TESMIN: variants seen among roughly 807,000 people sequenced by gnomAD.
TESMIN encodes CXC domain containing 2.
Under a neutral mutation model 47.4 loss-of-function variants are expected in TESMIN, and 34 were observed. The ratio of observed to expected loss-of-function variants is 0.72; its 90% confidence interval spans 0.55 to 0.96. The LOEUF is 0.96. TESMIN is among the 40% of genes least tolerant of loss of function. TESMIN has a pLI of 0.00. For missense variants in TESMIN, 610 were observed against 637.2 expected (o/e 0.96, Z 0.46); for synonymous variants, 278 against 258.9 (o/e 1.07, Z -0.71).
At chr11:68,737,657 A>C (rs1946402776) in intron 6 of TESMIN, 1 of 985,544 alleles carries the variant, frequency 1.0e-6, no homozygotes, top group Non-Finnish European at 1.2e-6. Flanking sequence ...CACGCCTGTA[A>C]TCCCAGCACT....
intron 1 of TESMIN, among the ~76,000 whole-genome samples, chr11:68,750,986 C>G (rs1594307011): frequency 6.5e-5 from 3 of 46,402 alleles, no homozygotes; most frequent in South Asian, 9.7e-4. Context: ...CCAGGGGAGG[C>G]GGTCAGGTGA....
intron 6 of TESMIN, among the ~76,000 whole-genome samples, chr11:68,725,230 T>A (rs1946247040): frequency 6.6e-6 from 1 of 152,174 alleles, no homozygotes; most frequent in Non-Finnish European, 1.5e-5. Flanking sequence ...TGTTTTGCCA[T>A]ACATGGTGCT....
At position 68,715,949 on chromosome 11, in the gene TESMIN, A is replaced by G; in HGVS notation, c.918-10T>C. 1 of 1,573,238 alleles carries G rather than the reference A, an allele frequency of 6.4e-7. No homozygotes were observed. The highest frequency in any genetic ancestry group is 8.7e-7 in the Non-Finnish European group (1 of 1,143,128). ...AAAGCAGTCACAGTACCTGTGAAGG[A>G]AAGGACAGAGTGAGTGGCAGGCACA... On this transcript the variant is annotated splice_polypyrimidine_tract_variant and intron_variant, in intron 6 of 9. Transcript: ENST00000255087.
intron 6 of TESMIN, chr11:68,732,566 C>G (rs1946341151): frequency 6.5e-6 from 1 of 153,232 alleles, no homozygotes; most frequent in African/African-American, 2.4e-5. Context: ...CATCTGACAT[C>G]TCCATCTGGG....
chr11:68,729,228 G>A (rs755398558), intron 6 of TESMIN, among the ~76,000 whole-genome samples: 2 of 152,222 alleles, frequency 1.3e-5, no homozygotes, highest in Non-Finnish European at 2.9e-5. Flanking sequence ...AAGGAGGTTA[G>A]AAGTTGATTC....
intron 6 of TESMIN, chr11:68,736,780 G>T (rs1946391734): frequency 1.0e-6 from 1 of 969,932 alleles, no homozygotes; most frequent in Admixed American, 6.2e-5. Context: ...AAGAGCAGGG[G>T]GAGGAGAACA....
intron 3 of TESMIN, 143 bp from the exon 4 acceptor site, chr11:68,745,254 C>T (rs1386364289): frequency 1.7e-5 from 10 of 580,556 alleles, no homozygotes; most frequent in Admixed American, 1.4e-4. Context: ...GATCTGTTTT[C>T]GATTTCTTAC....
intron 6 of TESMIN, among the ~76,000 whole-genome samples, chr11:68,731,440 T>C (rs1273440107): frequency 5.1e-5 from 2 of 38,900 alleles, no homozygotes; most frequent in Admixed American, 2.2e-4. Context: ...AAAAGAGTTA[T>C]AAAATAAAAA....
At chr11:68,741,469 G>A (rs1026968628) in intron 5 of TESMIN, among the ~76,000 whole-genome samples, 4 of 152,040 alleles carry the variant, frequency 2.6e-5, no homozygotes, top group Non-Finnish European at 5.9e-5. Context: ...CCCCCAATCC[G>A]CTTCCTCTGC....
chr11:68,725,690 C>G (rs547138161), intron 6 of TESMIN, among the ~76,000 whole-genome samples: 1 of 152,184 alleles, frequency 6.6e-6, no homozygotes, highest in South Asian at 2.1e-4. Flanking sequence ...CCAGGCTGGT[C>G]TCGAACTCCT....
intron 6 of TESMIN, among the ~76,000 whole-genome samples, chr11:68,717,661 G>C (rs966660070): frequency 1.3e-5 from 2 of 152,140 alleles, no homozygotes; most frequent in South Asian, 4.1e-4. Flanking sequence ...AAGGAGCTTC[G>C]GAAGGCTCTG....
At chr11:68,726,053 T>C (rs749901225) in intron 6 of TESMIN, among the ~76,000 whole-genome samples, 13 of 152,132 alleles carry the variant, frequency 8.5e-5, no homozygotes, top group Admixed American at 5.9e-4. Flanking sequence ...CAACCCTAAC[T>C]GTGGCAAACA....
At chr11:68,730,578 T>TG (rs1292325330) in intron 6 of TESMIN, among the ~76,000 whole-genome samples, 1 of 152,208 alleles carries the variant, frequency 6.6e-6, no homozygotes, top group East Asian at 1.9e-4. Context: ...GCAGATCACC[T>TG]GAGGTCAGGA....
At chr11:68,709,325 C>T (rs1946034968) in intron 9 of TESMIN, among the ~76,000 whole-genome samples, 1 of 152,200 alleles carries the variant, frequency 6.6e-6, no homozygotes, top group South Asian at 2.1e-4. Flanking sequence ...TGCTCTGAGT[C>T]CTGTCCACGC....
At chr11:68,746,929 C>G (rs1009398180) in intron 3 of TESMIN, among the ~76,000 whole-genome samples, 1 of 152,170 alleles carries the variant, frequency 6.6e-6, no homozygotes, top group Non-Finnish European at 1.5e-5. Context: ...GTCCCTGACC[C>G]CAGCACTGCA....
intron 2 of TESMIN, among the ~76,000 whole-genome samples, chr11:68,748,042 CCCTCCT>C (rs1424189781): frequency 2.6e-5 from 4 of 152,130 alleles, no homozygotes; most frequent in Non-Finnish European, 5.9e-5. Context: ...TCCTCCCCTC[CCCTCCT>C]CCTCCACCTA....
At chr11:68,717,158 T>G (rs1480638880) in intron 6 of TESMIN, among the ~76,000 whole-genome samples, 1 of 152,242 alleles carries the variant, frequency 6.6e-6, no homozygotes, top group Non-Finnish European at 1.5e-5. Flanking sequence ...CTTTTCATAA[T>G]TATTATTTTC....
rs370660628 is a variant in TESMIN, at chr11:68,710,910, G to A, written c.1298C>T (p.Thr433Met). 3.0e-5 allele frequency: 49 copies of A among 1,613,436 alleles called. No individual in the cohort carries two copies. The highest frequency in any genetic ancestry group is 2.4e-4 in the South Asian group (22 of 90,888). The change falls in exon 9 of 10, where the codon ACG becomes ATG. Residue 433 changes from threonine to methionine, a missense_variant. Thr to Met is a moderately conservative substitution (Grantham distance 81). Coordinates refer to ENST00000255087, the MANE Select transcript of TESMIN (RefSeq NM_004923.3). ...GAATCTTGGAAGTCCTGAAAATTTC[G>A]TTGGTGGCAGGTAATGGCTGCCTTC... ...GLEGSHYLPP[T>M]KFSGLPRFSH... is the part of the protein sequence containing the mutation.
intron 2 of TESMIN, among the ~76,000 whole-genome samples, chr11:68,748,495 TAATA>T (rs1197665699): frequency 1.3e-5 from 2 of 152,256 alleles, no homozygotes; most frequent in Admixed American, 1.3e-4. Context: ...AATACTACTA[TAATA>T]AATATATCAT....
Sources: gnomAD v4.1 joint callset for allele counts (sites outside exome capture counted in the v4.1 genomes callset) on GRCh38, gnomAD v4.1.1 for gene constraint, MANE v1.5 for transcripts, NCBI Gene and HGNC (gene_info 2026-07-23, HGNC 2026-07-21) for gene names.